Variants in PDXDC1 observed in about 807,000 individuals in gnomAD.
The protein encoded by PDXDC1 is pyridoxal-dependent decarboxylase domain-containing protein 1.
Under a neutral mutation model 100.1 loss-of-function variants are expected in PDXDC1, and 42 were observed. That is an observed-to-expected ratio of 0.42 (90% CI 0.33 to 0.54). The LOEUF (loss-of-function observed/expected upper bound fraction) is 0.54. PDXDC1 is among the 20% of genes least tolerant of loss of function. PDXDC1 has a pLI of 0.10. For synonymous variants in PDXDC1, 260 were observed against 371.7 expected (o/e 0.70, Z 3.46); for missense variants, 636 against 979.2 (o/e 0.65, Z 4.68).
chr16:15,003,573 C>T (rs1322974103), intron 4 of PDXDC1, among the ~76,000 whole-genome samples: 1 of 152,300 alleles, frequency 6.6e-6, no homozygotes. Flanking sequence ...CTACCCTCCA[C>T]AATTCTTAAG....
chr16:15,104,683 T>G (rs760450435), intron 16 of PDXDC1: 1 of 1,597,622 alleles, frequency 6.3e-7, no homozygotes, highest in Non-Finnish European at 8.5e-7. Flanking sequence ...ATCCTGTTTT[T>G]TAAAGTTTCA....
chr16:15,131,431 C>A, intron 16 of PDXDC1: 1 of 1,608,462 alleles, frequency 6.2e-7, no homozygotes, highest in Admixed American at 1.7e-5. Flanking sequence ...CGGGGCCCTG[C>A]TGAAAGCCTA....
rs1450025400 is a variant in PDXDC1 at position 14,975,038 on chromosome 16, A to G, written c.-162A>G. On this transcript the variant is annotated 5_prime_UTR_variant, in exon 1 of 23. Coordinates refer to ENST00000396410, the MANE Select transcript of PDXDC1 (RefSeq NM_015027.4). ...CCCGCCCCGCCGCCTCTCAACCATC[A>G]GGTTCGGCAGCCCGCGGCGCCGCCT... 6 of 1,523,090 alleles carry G rather than the reference A, an allele frequency of 3.9e-6. No individual in the cohort carries two copies. The highest frequency in any genetic ancestry group is 3.5e-6 in the Non-Finnish European group (4 of 1,141,760). The allele number at this position is 1,523,090 out of a possible 1,614,324, so 94.3% of individuals were successfully genotyped here. A position where few individuals can be genotyped will look rare whatever the true frequency, so the allele number is the denominator to read the frequency against.
chr16:15,145,305 A>T, the PDXDC1 span, among the ~76,000 whole-genome samples: 1 of 152,224 alleles, frequency 6.6e-6, no homozygotes, highest in Non-Finnish European at 1.5e-5. Flanking sequence ...CTGTGGGCAC[A>T]GCCAATGATG....
intron 13 of PDXDC1, among the ~76,000 whole-genome samples, chr16:15,023,927 G>A (rs1433032120): frequency 2.6e-5 from 4 of 152,406 alleles, no homozygotes; most frequent in Non-Finnish European, 5.9e-5. Flanking sequence ...GGTCTCCTCT[G>A]ATTGCAAACA....
chr16:15,087,403 A>G (rs554927522), intron 16 of PDXDC1, among the ~76,000 whole-genome samples: 1 of 152,284 alleles, frequency 6.6e-6, no homozygotes, highest in Non-Finnish European at 1.5e-5. Flanking sequence ...CCCAACCAAG[A>G]GGCCAGTAAA....
intron 16 of PDXDC1, among the ~76,000 whole-genome samples, chr16:15,046,431 T>A (rs1054893220): frequency 6.6e-6 from 1 of 152,254 alleles, no homozygotes; most frequent in East Asian, 1.9e-4. Context: ...GCCTGTGTCG[T>A]CGGCCTCCAC....
chr16:15,150,190 A>C, the PDXDC1 span, among the ~76,000 whole-genome samples: 1 of 151,524 alleles, frequency 6.6e-6, no homozygotes, highest in Non-Finnish European at 1.5e-5. Flanking sequence ...TAAAAATACA[A>C]AAAATTAGCT....
At chr16:15,055,875 G>A (rs1409507043) in intron 16 of PDXDC1, 1 of 1,212,296 alleles carries the variant, frequency 8.2e-7, no homozygotes, top group South Asian at 4.1e-5. Flanking sequence ...GAAGCCCCGC[G>A]CCGCGCCCCA....
At chr16:15,048,060 C>T (rs1448983190) in intron 16 of PDXDC1, 1 of 1,613,030 alleles carries the variant, frequency 6.2e-7, no homozygotes, top group East Asian at 2.2e-5. Context: ...TGGGGTCCCA[C>T]TTGTTGAACA....
chr16:15,040,464 A>C (rs1273426939), downstream of PDXDC1: 1 of 191,148 alleles, frequency 5.2e-6, no homozygotes, highest in East Asian at 1.4e-4. Flanking sequence ...GTTACAGAGA[A>C]TAGAACAGTG....
At chr16:15,071,682 C>G (rs1001449505) in intron 16 of PDXDC1, among the ~76,000 whole-genome samples, 1 of 152,082 alleles carries the variant, frequency 6.6e-6, no homozygotes, top group Non-Finnish European at 1.5e-5. Flanking sequence ...GCAGGAGAAT[C>G]GCTTGAACCC....
chr16:15,052,592 T>C (rs1184121201), intron 16 of PDXDC1, among the ~76,000 whole-genome samples: 2 of 152,212 alleles, frequency 1.3e-5, no homozygotes, highest in African/African-American at 4.8e-5. Flanking sequence ...CCCAGCACTT[T>C]GGAGGCCGAG....
At chr16:15,112,879 A>C (rs2047126224) in intron 16 of PDXDC1, among the ~76,000 whole-genome samples, 1 of 104,366 alleles carries the variant, frequency 9.6e-6, no homozygotes, top group African/African-American at 3.6e-5. Flanking sequence ...AGCTCAACTG[A>C]ACTTTCCTAA....
At chr16:15,129,342 T>C (rs903126527) in intron 16 of PDXDC1, among the ~76,000 whole-genome samples, 1 of 151,408 alleles carries the variant, frequency 6.6e-6, no homozygotes, top group Non-Finnish European at 1.5e-5. Context: ...GGAGAATCGC[T>C]TAAGGGGAAT....
At chr16:15,044,759 G>A (rs1222513094) in intron 16 of PDXDC1, 5 of 242,996 alleles carry the variant, frequency 2.1e-5, no homozygotes, top group African/African-American at 9.0e-5. Context: ...TGAGGTGGGC[G>A]GATCACTTGA....
At chr16:15,070,245 T>C in intron 16 of PDXDC1, 2 of 1,611,416 alleles carry the variant, frequency 1.2e-6, no homozygotes, top group South Asian at 1.1e-5. Flanking sequence ...CTAGGCATGA[T>C]TTTACAGTAC....
Position 15,036,102 on chromosome 16 carries a change from G to C in PDXDC1, c.2194G>C (p.Val732Leu). 1 of 1,614,106 alleles carries C rather than the reference G, an allele frequency of 6.2e-7. No individual in the cohort carries two copies. Among genetic ancestry groups the C allele is most frequent in the Non-Finnish European group, 8.5e-7 (1 of 1,180,030 alleles). ...CAGTCACATTGAAGACTTAGAAAAG[G>C]TGGAGCGCCTATCCAGTGGGCCGGA... ...SVSHIEDLEKVERLSSGPEQI... is the reference protein window; with the variant it reads ...SVSHIEDLEKLERLSSGPEQI... Residue 732 changes from valine (V) to leucine (L), a missense_variant, in exon 23 of 23, where the codon GTG becomes CTG. By Grantham distance (32) the Val-to-Leu change is conservative. Coordinates refer to ENST00000396410, the MANE Select transcript of PDXDC1 (RefSeq NM_015027.4).
intron 14 of PDXDC1, among the ~76,000 whole-genome samples, chr16:15,028,190 G>A (rs1262332504): frequency 9.8e-5 from 15 of 152,392 alleles, no homozygotes; most frequent in Non-Finnish European, 1.6e-4. Context: ...AGTCTTCTCC[G>A]CGCTCCAGAA....
Sources: allele counts gnomAD v4.1 joint callset (sites outside exome capture counted in the v4.1 genomes callset), GRCh38; gene constraint gnomAD v4.1.1; transcripts MANE v1.5; gene names NCBI Gene and HGNC (gene_info 2026-07-23, HGNC 2026-07-21).